The following CFTR variants were observed in gnomAD, a reference collection of about 807,000 sequenced individuals.
The protein encoded by CFTR is cystic fibrosis transmembrane conductance regulator.
A neutral mutation model predicts 171.6 loss-of-function variants in CFTR; 181 were observed. The ratio of observed to expected loss-of-function variants is 1.05; its 90% confidence interval spans 0.93 to 1.19. The LOEUF is 1.19. Among genes scored for constraint, CFTR ranks in the 50% most tolerant of loss-of-function variants. The pLI, the probability that CFTR is intolerant of heterozygous loss-of-function variation, is 0.00. For missense variants in CFTR, 1,968 were observed against 1,734.7 expected (o/e 1.13, Z -2.39); for synonymous variants, 583 against 608.0 (o/e 0.96, Z 0.60).
chr7:117,508,023 G>T (rs952026499), intron 2 of CFTR, among the ~76,000 whole-genome samples: 1 of 152,178 alleles, frequency 6.6e-6, no homozygotes, highest in Non-Finnish European at 1.5e-5. Flanking sequence ...TGATCTGCCC[G>T]CCTTGGCCTC....
chr7:117,575,713 A>T (rs1184246801), intron 11 of CFTR, among the ~76,000 whole-genome samples: 1 of 151,938 alleles, frequency 6.6e-6, no homozygotes, highest in African/African-American at 2.4e-5. Flanking sequence ...TCTTTCCTTT[A>T]CTAGGGGATT....
intron 21 of CFTR, among the ~76,000 whole-genome samples, chr7:117,619,505 T>A (rs1792541661): frequency 6.6e-6 from 1 of 152,210 alleles, no homozygotes; most frequent in Non-Finnish European, 1.5e-5. Flanking sequence ...TTTTGTCTTT[T>A]ACTGCTTGTT....
chr7:117,659,606 G>T (rs532355764), intron 24 of CFTR, among the ~76,000 whole-genome samples: 1 of 152,344 alleles, frequency 6.6e-6, no homozygotes, highest in African/African-American at 2.4e-5. Flanking sequence ...GAGCAGAGCT[G>T]CATCACCCCT....
At position 117,535,383 on chromosome 7, in the gene CFTR, G is replaced by A. The variant is rs397508788; in HGVS notation, c.715G>A (p.Gly239Arg). ...FLIVLALFQAGLGRMMMKYRD... is the reference protein window; with the variant it reads ...FLIVLALFQARLGRMMMKYRD... ...GATAGTCCTTGCCCTTTTTCAGGCT[G>A]GGCTAGGGAGAATGATGATGAAGTA... Residue 239 changes from glycine to arginine, a missense_variant, in exon 6 of 27, where the codon GGG (glycine) becomes AGG (arginine). By Grantham distance (125) the Gly-to-Arg change is moderately radical. Coordinates refer to ENST00000003084, the MANE Select transcript of CFTR (RefSeq NM_000492.4). The A allele has an allele frequency of 5.5e-5, 89 of 1,613,986 alleles. No individual in the cohort carries two copies. Among genetic ancestry groups the A allele is most frequent in the Admixed American group, 1.8e-4 (11 of 59,990 alleles).
intron 20 of CFTR, among the ~76,000 whole-genome samples, chr7:117,612,737 A>G (rs7799504): frequency 0.015 from 2,307 of 152,246 alleles, 41 homozygotes; most frequent in African/African-American, 0.035. Flanking sequence ...TTCGACTCTT[A>G]AAGAAGCTGC....
In CFTR at chr7:117,642,588, C is replaced by T. The variant is rs397508619; in HGVS notation, c.3868C>T (p.Pro1290Ser). Residue 1290 changes from proline (P) to serine (S), a missense_variant, in exon 23 of 27, where the codon CCA (proline) becomes TCA (serine). Pro to Ser is a moderately conservative substitution (Grantham distance 74). Transcript: ENST00000003084. ...QQWRKAFGVIPQKVFIFSGTF... is the reference protein window; with the variant it reads ...QQWRKAFGVISQKVFIFSGTF... Reference sequence around the variant, plus strand: ...GTGGAGGAAAGCCTTTGGAGTGATACCACAGGTGAGCAAAAGGACTTAGCC... The same window carrying T: ...GTGGAGGAAAGCCTTTGGAGTGATATCACAGGTGAGCAAAAGGACTTAGCC... 2 of 1,613,250 alleles carry T rather than the reference C, an allele frequency of 1.2e-6. No individual in the cohort carries two copies. The highest frequency in any genetic ancestry group is 8.5e-7 in the Non-Finnish European group (1 of 1,179,534).
At chr7:117,574,995 C>G (rs1255954395) in intron 11 of CFTR, among the ~76,000 whole-genome samples, 1 of 152,012 alleles carries the variant, frequency 6.6e-6, no homozygotes, top group East Asian at 1.9e-4. Flanking sequence ...TTTATACCTT[C>G]TGTTCCTGAT....
chr7:117,627,893 AAC>A (rs1792679337), intron 22 of CFTR, 123 bp downstream of exon 22: 1 of 1,021,014 alleles, frequency 9.8e-7, no homozygotes, highest in African/African-American at 1.6e-5. Flanking sequence ...ATCAATATTA[AAC>A]ACACATGTTT....
rs779110970 is a variant in CFTR, at chr7:117,664,911, TA to T, written c.4136+52del. On this transcript the variant is annotated intron_variant, in intron 25 of 26. Transcript: ENST00000003084. Reference sequence around the variant, plus strand: ...AATAGCACAGTGGGAACAGAATCATTATGCCTGCTTCATGGTGACACATATT... The same window carrying T: ...AATAGCACAGTGGGAACAGAATCATTTGCCTGCTTCATGGTGACACATATT... 4.0e-5 allele frequency: 62 copies of T among 1,566,630 alleles called. No individual in the cohort carries two copies. The Admixed American group carries it at 1.0e-3, about 26-fold the overall frequency.
At chr7:117,575,792 C>G (rs756828771) in intron 11 of CFTR, among the ~76,000 whole-genome samples, 12 of 152,078 alleles carry the variant, frequency 7.9e-5, no homozygotes, top group Non-Finnish European at 1.3e-4. Flanking sequence ...AATATTTCCC[C>G]TAATAAATCC....
chr7:117,662,460 G>T (rs978377889), intron 24 of CFTR, among the ~76,000 whole-genome samples: 2 of 152,160 alleles, frequency 1.3e-5, no homozygotes, highest in East Asian at 1.9e-4. Context: ...GATATGTCAG[G>T]CTCAGCAATG....
At chr7:117,493,143 A>C (rs2116621204) in intron 1 of CFTR, among the ~76,000 whole-genome samples, 1 of 152,184 alleles carries the variant, frequency 6.6e-6, no homozygotes, top group East Asian at 1.9e-4. Flanking sequence ...TTTTGAGGTC[A>C]AAAAAATTCT....
chr7:117,575,976 CTCTT>C (rs148926408), intron 11 of CFTR, among the ~76,000 whole-genome samples: 182 of 152,124 alleles, frequency 1.2e-3, no homozygotes, highest in Non-Finnish European at 2.0e-3. Flanking sequence ...TTTGTGTCTT[CTCTT>C]TAACACATCT....
At chr7:117,564,955 A>G (rs1299706555) in intron 11 of CFTR, among the ~76,000 whole-genome samples, 4 of 152,258 alleles carry the variant, frequency 2.6e-5, no homozygotes, top group African/African-American at 7.2e-5. Flanking sequence ...CTTGTAATGT[A>G]CAGCCATGAG....
rs190182614 is a variant in CFTR, at chr7:117,483,072, G to A, written c.53+2925G>A. Among the ~76,000 whole-genome samples, 9 of 152,288 alleles carry A rather than the reference G, an allele frequency of 5.9e-5. No homozygotes were observed. In the East Asian group the frequency reaches 1.2e-3, roughly 20 times the overall value. On this transcript the variant is annotated intron_variant, in intron 1 of 26. Transcript: ENST00000003084. ...CAAAGAATCACATAGTCTAAGTCTC[G>A]AGTTTAACAGTAAGATAATTTGAGA...
At chr7:117,552,975 A>G (rs1799296821) in intron 10 of CFTR, among the ~76,000 whole-genome samples, 1 of 152,124 alleles carries the variant, frequency 6.6e-6, no homozygotes, top group African/African-American at 2.4e-5. Flanking sequence ...TTAGTAAATG[A>G]GATTAGTGTC....
chr7:117,518,188 A>G (rs1486600456), intron 3 of CFTR, among the ~76,000 whole-genome samples: 1 of 151,410 alleles, frequency 6.6e-6, no homozygotes, highest in Non-Finnish European at 1.5e-5. Flanking sequence ...AAGTAATGGC[A>G]AAGACCATCA....
At chr7:117,653,025 A>G (rs994811653) in intron 24 of CFTR, 94 bp downstream of exon 24, 10 of 836,728 alleles carry the variant, frequency 1.2e-5, no homozygotes, top group African/African-American at 8.3e-5. Flanking sequence ...CTTTGTGTGC[A>G]TGTATGTGTG....
rs560269543 is a variant in CFTR at position 117,619,918 on chromosome 7, T to G, written c.3468+5205T>G. 7.9e-5 allele frequency among the ~76,000 whole-genome samples: 12 copies of G among 151,340 alleles called. No individual in the cohort carries two copies. The South Asian group carries it at 2.5e-3, about 32-fold the overall frequency. ...TGCCTGTGTTTGTTTTGGGTTCCAG[T>G]AAAGATCAAGTGACTGATTGTACCA... On this transcript the variant is annotated intron_variant, in intron 21 of 26. Coordinates refer to ENST00000003084, the MANE Select transcript of CFTR (RefSeq NM_000492.4).
Sources: gnomAD v4.1 joint callset for allele counts (sites outside exome capture counted in the v4.1 genomes callset) on GRCh38, gnomAD v4.1.1 for gene constraint, MANE v1.5 for transcripts, NCBI Gene and HGNC (gene_info 2026-07-23, HGNC 2026-07-21) for gene names.